DLGAP4: variants seen among roughly 807,000 people sequenced by gnomAD.
DLGAP4 encodes the protein disks large-associated protein 4.
Under a neutral mutation model 86.9 loss-of-function variants are expected in DLGAP4, and 18 were observed. The observed-to-expected ratio is 0.21, with a 90% confidence interval of 0.14 to 0.31. DLGAP4 has a LOEUF of 0.31. Among genes scored for constraint, DLGAP4 ranks in the 10% least tolerant of loss-of-function variants. The probability of loss-of-function intolerance (pLI) is 1.00; values close to 1 mark genes in which losing one functional copy is unlikely to be tolerated. For synonymous variants in DLGAP4, 548 were observed against 574.3 expected, an observed-to-expected ratio of 0.95 and a Z score of 0.65; for missense variants, 1,085 against 1,362.6, an observed-to-expected ratio of 0.80 and a Z score of 3.21.
intron 1 of DLGAP4, among the ~76,000 whole-genome samples, chr20:36,334,140 C>T (rs1938815097): frequency 6.6e-6 from 1 of 152,238 alleles, no homozygotes; most frequent in African/African-American, 2.4e-5. Flanking sequence ...CAGCCCCTGG[C>T]CTCCCAGGGC....
At chr20:36,504,063 G>A (rs1021945608) in intron 10 of DLGAP4, among the ~76,000 whole-genome samples, 10 of 152,040 alleles carry the variant, frequency 6.6e-5, no homozygotes, top group Admixed American at 2.6e-4. Context: ...GTCAAACTTC[G>A]ATTTTTGTTT....
At chr20:36,509,672 T>C (rs1052429946) in intron 10 of DLGAP4, among the ~76,000 whole-genome samples, 1 of 151,980 alleles carries the variant, frequency 6.6e-6, no homozygotes, top group African/African-American at 2.4e-5. Flanking sequence ...ATTGCTCGAG[T>C]GTGGGAGAGT....
In DLGAP4 at chr20:36,422,920, A is replaced by G. The variant is rs1288984534; in HGVS notation, c.-72-8726A>G. Among the ~76,000 whole-genome samples, 3 of 152,326 alleles carry G rather than the reference A, an allele frequency of 2.0e-5. No individual in the cohort carries two copies. The East Asian group carries it at 5.8e-4, about 29-fold the overall frequency. On this transcript the variant is annotated intron_variant, in intron 2 of 12. Coordinates refer to ENST00000339266, the MANE Select transcript of DLGAP4 (RefSeq NM_001365621.2). ...GAGGCAGCCAGCTGCTTCCCCCTGC[A>G]AGGGCAAGGCCTGCCTATTTTAAGA...
chr20:36,312,773 T>C (rs2065064343), intron 1 of DLGAP4, among the ~76,000 whole-genome samples: 1 of 152,152 alleles, frequency 6.6e-6, no homozygotes, highest in South Asian at 2.1e-4. Context: ...GCACTCGGCC[T>C]CTGGGTTCAG....
intron 6 of DLGAP4, among the ~76,000 whole-genome samples, chr20:36,444,504 G>A (rs935265532): frequency 1.3e-5 from 2 of 151,918 alleles, no homozygotes; most frequent in South Asian, 4.2e-4. Context: ...TCAAACTCCC[G>A]AACACAAGTG....
chr20:36,439,499 G>C (rs1201378235), intron 4 of DLGAP4, among the ~76,000 whole-genome samples: 1 of 152,214 alleles, frequency 6.6e-6, no homozygotes, highest in African/African-American at 2.4e-5. Flanking sequence ...GGAGCCCTAG[G>C]CTGTGGAACT....
chr20:36,379,364 G>A (rs1266299101), intron 2 of DLGAP4, among the ~76,000 whole-genome samples: 1 of 152,234 alleles, frequency 6.6e-6, no homozygotes, highest in Non-Finnish European at 1.5e-5. Flanking sequence ...AGACCTGTCT[G>A]CAGAGATGCC....
At chr20:36,469,343 C>G (rs900991739) in intron 7 of DLGAP4, among the ~76,000 whole-genome samples, 3 of 151,994 alleles carry the variant, frequency 2.0e-5, no homozygotes, top group Non-Finnish European at 4.4e-5. Context: ...ACTTCAGGTC[C>G]CTGTAGTTTG....
At position 36,525,914 on chromosome 20, in the gene DLGAP4, C is replaced by T. The variant is rs528314381; in HGVS notation, c.2668C>T (p.Leu890=). 6.7e-5 allele frequency: 108 copies of T among 1,614,006 alleles called. No homozygotes were observed. The East Asian group carries it at 1.6e-3, about 23-fold the overall frequency. The change falls in exon 12 of 13, where the codon CTG becomes TTG. Residue 890 remains leucine, a synonymous_variant. Transcript: ENST00000339266. The part of the protein sequence containing the change: ...DLAGFWDLLQ[L]SIEDISMKFD... ...GGCAGGGTTCTGGGACCTGCTACAGCTGTCCATCGAGGATATCAGCATGAA... is the reference window on the plus strand; with the variant it reads ...GGCAGGGTTCTGGGACCTGCTACAGTTGTCCATCGAGGATATCAGCATGAA...
chr20:36,458,738 AG>A (rs1184159305), intron 7 of DLGAP4, among the ~76,000 whole-genome samples: 1 of 152,056 alleles, frequency 6.6e-6, no homozygotes, highest in Non-Finnish European at 1.5e-5. Flanking sequence ...AAGACTACTC[AG>A]GGGGCTGCAT....
intron 3 of DLGAP4, 21 bp from the exon 4 acceptor site, chr20:36,436,088 A>G: frequency 6.5e-7 from 1 of 1,540,048 alleles, no homozygotes; most frequent in Non-Finnish European, 8.7e-7. Flanking sequence ...GGCCCCACTG[A>G]GTCCTGTGCC....
rs114193514 is a variant in DLGAP4 at position 36,424,569 on chromosome 20, T to G, written c.-72-7077T>G. Among the ~76,000 whole-genome samples, 980 of 152,244 alleles carry G rather than the reference T, an allele frequency of 6.4e-3. 12 individuals carry two copies. Among genetic ancestry groups the G allele is most frequent in the African/African-American group, 0.023 (935 of 41,546 alleles). ...GTCAGCAGCCAATGCTCTTGGCAGCTGGGGTTGTGAGTGCCTCTGTGCAGG... is the reference window on the plus strand; with the variant it reads ...GTCAGCAGCCAATGCTCTTGGCAGCGGGGGTTGTGAGTGCCTCTGTGCAGG... On this transcript the variant is annotated intron_variant, in intron 2 of 12. Transcript: ENST00000339266.
At chr20:36,346,441 G>A (rs1293161355) in intron 1 of DLGAP4, among the ~76,000 whole-genome samples, 1 of 152,262 alleles carries the variant, frequency 6.6e-6, no homozygotes, top group Admixed American at 6.5e-5. Context: ...TGGAAGCGGT[G>A]GGTTTCAGCC....
intron 10 of DLGAP4, among the ~76,000 whole-genome samples, chr20:36,523,244 T>G (rs751134316): frequency 6.6e-6 from 1 of 151,978 alleles, no homozygotes; most frequent in Non-Finnish European, 1.5e-5. Flanking sequence ...GGTGGAGACC[T>G]CCTGCCTCCC....
intron 7 of DLGAP4, among the ~76,000 whole-genome samples, chr20:36,485,122 G>A (rs530968359): frequency 3.9e-5 from 6 of 152,060 alleles, no homozygotes; most frequent in Admixed American, 1.3e-4. Flanking sequence ...GAGGTGGCTC[G>A]CGCCAGTAAT....
chr20:36,473,470 G>T (rs1257798958), intron 7 of DLGAP4, among the ~76,000 whole-genome samples: 1 of 152,124 alleles, frequency 6.6e-6, no homozygotes, highest in Non-Finnish European at 1.5e-5. Context: ...AGAGAGTATC[G>T]TAACACCCAG....
chr20:36,499,951 A>T lies in DLGAP4; in HGVS notation c.2100-248A>T, dbSNP rs1410965447. Among the ~76,000 whole-genome samples, 3 of 152,226 alleles carry T rather than the reference A, an allele frequency of 2.0e-5. No homozygotes were observed. The East Asian group carries it at 5.8e-4, about 29-fold the overall frequency. ...TGATGCTGGTGGTCTTCCTGGCCCC[A>T]CTGCAGTAAACAGGCAACCTTATGA... is the stretch of plus-strand genomic sequence containing the variant. On this transcript the variant is annotated intron_variant, in intron 9 of 12. Transcript: ENST00000339266.
chr20:36,499,095 C>T, intron 8 of DLGAP4: 1 of 781,482 alleles, frequency 1.3e-6, no homozygotes, highest in Non-Finnish European at 2.0e-6. Context: ...CTCCAGGTTT[C>T]TGCCACAGGG....
At chr20:36,415,595 A>G (rs558686524) in intron 2 of DLGAP4, among the ~76,000 whole-genome samples, 2 of 152,244 alleles carry the variant, frequency 1.3e-5, no homozygotes, top group South Asian at 2.1e-4. Context: ...TACCTCGTTG[A>G]TCTCTCCCAA....
Sources: allele counts gnomAD v4.1 joint callset (sites outside exome capture counted in the v4.1 genomes callset), GRCh38; gene constraint gnomAD v4.1.1; transcripts MANE v1.5; gene names NCBI Gene and HGNC (gene_info 2026-07-23, HGNC 2026-07-21).